The following LRRC40 variants were observed in gnomAD, a reference collection of about 807,000 sequenced individuals.
LRRC40 encodes leucine-rich repeat-containing protein 40.
In LRRC40, 76 loss-of-function variants were observed where a neutral mutation model predicts 72.8. The ratio of observed to expected loss-of-function variants is 1.04; its 90% CI spans 0.87 to 1.26. The LOEUF is 1.26. LRRC40 is among the 50% of genes most tolerant of loss of function. The probability of loss-of-function intolerance (pLI) is 0.00; values close to 1 mark genes in which losing one functional copy is unlikely to be tolerated. For missense variants in LRRC40, 684 were observed against 698.9 expected, an observed-to-expected ratio of 0.98 and a Z score of 0.24; for synonymous variants, 243 against 254.2, an observed-to-expected ratio of 0.96 and a Z score of 0.42.
intron 1 of LRRC40, among the ~76,000 whole-genome samples, chr1:70,203,047 T>C (rs1278488949): frequency 1.3e-5 from 2 of 152,168 alleles, no homozygotes; most frequent in East Asian, 1.9e-4. Flanking sequence ...CACGCCACCA[T>C]GCTCATCTAA....
chr1:70,178,759 C>T (rs1668165349), intron 6 of LRRC40, 92 bp downstream of exon 6: 2 of 739,212 alleles, frequency 2.7e-6, no homozygotes, highest in Non-Finnish European at 4.1e-6. Flanking sequence ...AATACACACT[C>T]CCAATGTAAA....
chr1:70,173,112 T>C (rs1203618663), intron 9 of LRRC40, among the ~76,000 whole-genome samples: 1 of 152,070 alleles, frequency 6.6e-6, no homozygotes, highest in Non-Finnish European at 1.5e-5. Flanking sequence ...AATGAAATAC[T>C]TGTCAATATA....
At chr1:70,180,931 T>C (rs1399157656) in intron 5 of LRRC40, among the ~76,000 whole-genome samples, 155 bp downstream of exon 5, 6 of 152,184 alleles carry the variant, frequency 3.9e-5, no homozygotes, top group Admixed American at 3.9e-4. Flanking sequence ...TACATAATAA[T>C]GGTCTGGAGA....
rs1017722916 is a variant in LRRC40, at chr1:70,161,217, TG to T, written c.1112-1780del. Among the ~76,000 whole-genome samples, 170 of 151,648 alleles carry T rather than the reference TG, an allele frequency of 1.1e-3. 1 individual carries two copies. The highest frequency in any genetic ancestry group is 3.6e-3 in the African/African-American group (149 of 41,412). On this transcript the variant is annotated intron_variant, in intron 9 of 14. Coordinates refer to ENST00000370952, the MANE Select transcript of LRRC40 (RefSeq NM_017768.5). ...CTCCTGCCTCAGCCTCCCGAGTAGCTGGGGCTACTGGTGCCCGCCACCACGC... is the reference window on the plus strand; with the variant it reads ...CTCCTGCCTCAGCCTCCCGAGTAGCTGGGCTACTGGTGCCCGCCACCACGC...
At chr1:70,148,761 G>A (rs1284202353) in intron 13 of LRRC40, 89 bp from the exon 14 acceptor site, 5 of 775,636 alleles carry the variant, frequency 6.4e-6, no homozygotes, top group Non-Finnish European at 9.7e-6. Flanking sequence ...TGACATGACA[G>A]TTTTTTCTTT....
At chr1:70,160,702 A>C (rs1305403369) in intron 9 of LRRC40, among the ~76,000 whole-genome samples, 1 of 152,130 alleles carries the variant, frequency 6.6e-6, no homozygotes, top group Non-Finnish European at 1.5e-5. Context: ...TCCTTTTAAT[A>C]ATTAGCATCA....
At chr1:70,193,361 C>T (rs1179130089) in intron 1 of LRRC40, among the ~76,000 whole-genome samples, 1 of 151,228 alleles carries the variant, frequency 6.6e-6, no homozygotes, top group African/African-American at 2.4e-5. Flanking sequence ...TTTATGCCAA[C>T]AAATCCAACA....
intron 13 of LRRC40, among the ~76,000 whole-genome samples, chr1:70,150,016 G>A (rs2100225762): frequency 6.6e-6 from 1 of 152,158 alleles, no homozygotes; most frequent in Non-Finnish European, 1.5e-5. Flanking sequence ...TGCCTCCTGG[G>A]GTTCAAGCGA....
intron 11 of LRRC40, among the ~76,000 whole-genome samples, chr1:70,154,426 T>C (rs1223826659): frequency 1.3e-5 from 2 of 152,130 alleles, no homozygotes. Context: ...TATTCCCAAT[T>C]AACTTATTTG....
chr1:70,191,905 G>A (rs1668509168), intron 1 of LRRC40, among the ~76,000 whole-genome samples: 1 of 152,096 alleles, frequency 6.6e-6, no homozygotes, highest in Non-Finnish European at 1.5e-5. Context: ...GTGGTGTGAT[G>A]CCTCCAGCTT....
chr1:70,187,234 AATAAT>A, intron 3 of LRRC40, 26 bp downstream of exon 3: 1 of 1,031,758 alleles, frequency 9.7e-7, no homozygotes, highest in Non-Finnish European at 1.5e-6. Flanking sequence ...TTATAAGGGC[AATAAT>A]ATAAGTAAAT....
chr1:70,186,357 T>TG (rs1668359242), intron 3 of LRRC40, among the ~76,000 whole-genome samples: 1 of 152,210 alleles, frequency 6.6e-6, no homozygotes, highest in Non-Finnish European at 1.5e-5. Flanking sequence ...GCCACGTCTA[T>TG]GCCTTTGACT....
At chr1:70,148,759 C>G (rs754153970) in intron 13 of LRRC40, 87 bp from the exon 14 acceptor site, 13 of 792,244 alleles carry the variant, frequency 1.6e-5, no homozygotes, top group Non-Finnish European at 2.3e-5. Flanking sequence ...TTTGACATGA[C>G]AGTTTTTTCT....
intron 1 of LRRC40, among the ~76,000 whole-genome samples, chr1:70,202,011 T>C (rs554850674): frequency 6.6e-6 from 1 of 151,932 alleles, no homozygotes; most frequent in South Asian, 2.1e-4. Flanking sequence ...AATAACGAAA[T>C]ACACCCACTA....
chr1:70,178,904 G>A lies in LRRC40; in HGVS notation c.751C>T (p.Arg251Trp), dbSNP rs373997678. 198 of 1,595,706 alleles carry A rather than the reference G, an allele frequency of 1.2e-4. 2 individuals are homozygous for A. The highest frequency in any genetic ancestry group is 1.5e-4 in the Admixed American group (9 of 59,418). ...GMESLELLYLRRNKLRFLPEF... is the reference protein window; with the variant it reads ...GMESLELLYLWRNKLRFLPEF... ...GGTAGAAAACGTAATTTATTCCTCCGCAAATAAAGCAATTCTAGTGATTCC... is the reference window on the plus strand; with the variant it reads ...GGTAGAAAACGTAATTTATTCCTCCACAAATAAAGCAATTCTAGTGATTCC... The change falls in exon 6 of 15, where the codon CGG becomes TGG. Residue 251 changes from arginine (R) to tryptophan (W), a missense_variant. Arg to Trp is a moderately radical substitution (Grantham distance 101). Coordinates refer to ENST00000370952, the MANE Select transcript of LRRC40 (RefSeq NM_017768.5).
rs538019918 is a variant in LRRC40 at position 70,185,753 on chromosome 1, C to T, written c.408-839G>A. Among the ~76,000 whole-genome samples the T allele has an allele frequency of 7.9e-5, 12 of 152,186 alleles. No homozygotes were observed. In the South Asian group the frequency reaches 2.3e-3, roughly 29 times the overall value. On this transcript the variant is annotated intron_variant, in intron 3 of 14. Transcript: ENST00000370952. The stretch of plus-strand genomic sequence containing the variant: ...TCAAGTTGAATGTAATATGGAATTC[C>T]ACTCTTCTTCATACTTGGTCTTTTC...
chr1:70,156,606 G>A (rs906163123), intron 10 of LRRC40, among the ~76,000 whole-genome samples: 3 of 151,982 alleles, frequency 2.0e-5, no homozygotes, highest in East Asian at 1.9e-4. Context: ...CAGACCCCCC[G>A]GGGATGCCAG....
intron 1 of LRRC40, among the ~76,000 whole-genome samples, chr1:70,191,722 A>C (rs1668505161): frequency 6.6e-6 from 1 of 152,206 alleles, no homozygotes; most frequent in Admixed American, 6.5e-5. Context: ...TTAATTATTA[A>C]GAAATTCTGT....
intron 1 of LRRC40, among the ~76,000 whole-genome samples, chr1:70,198,876 C>A (rs1360754672): frequency 2.6e-5 from 4 of 152,028 alleles, no homozygotes; most frequent in African/African-American, 9.7e-5. Flanking sequence ...TAGGGCCAGG[C>A]ACAACAGTTC....
Sources: allele counts gnomAD v4.1 joint callset (sites outside exome capture counted in the v4.1 genomes callset), GRCh38; gene constraint gnomAD v4.1.1; transcripts MANE v1.5; gene names NCBI Gene and HGNC (gene_info 2026-07-23, HGNC 2026-07-21).